The following CDC20B variants were observed in gnomAD, a reference collection of about 807,000 sequenced individuals.
CDC20B encodes cell division cycle 20B, also known as cell division cycle protein 20 homolog B.
A neutral mutation model predicts 64.1 loss-of-function variants in CDC20B; 58 were observed. That is an observed-to-expected ratio of 0.90 (90% confidence interval 0.73 to 1.13). The LOEUF is 1.13. Ranked by LOEUF, CDC20B falls within the 50% of genes most tolerant of loss-of-function variation. CDC20B has a pLI of 0.00. For synonymous variants in CDC20B, 243 were observed against 230.6 expected (o/e 1.05, Z -0.49); for missense variants, 597 against 633.0 (o/e 0.94, Z 0.61).
chr5:55,135,946 A>C (rs1462249909), intron 5 of CDC20B: 1 of 151,686 alleles, frequency 6.6e-6, no homozygotes, highest in Non-Finnish European at 1.5e-5. Flanking sequence ...TTTCCAAAAA[A>C]AATATTTTTT....
intron 5 of CDC20B, chr5:55,136,490 T>G (rs1580347212): frequency 6.9e-6 from 1 of 144,612 alleles, no homozygotes; most frequent in African/African-American, 2.6e-5. Context: ...ACCCGGGAGG[T>G]GGAGGTTGCC....
intron 5 of CDC20B, among the ~76,000 whole-genome samples, chr5:55,137,972 G>A (rs1743227142): frequency 6.6e-6 from 1 of 152,006 alleles, no homozygotes; most frequent in African/African-American, 2.4e-5. Context: ...TGAGAGGTGG[G>A]TTAGTTAAAA....
At chr5:55,139,456 T>C (rs1415851699) in intron 5 of CDC20B, among the ~76,000 whole-genome samples, 3 of 151,720 alleles carry the variant, frequency 2.0e-5, no homozygotes, top group African/African-American at 7.3e-5. Flanking sequence ...GAAACTGGAG[T>C]GAGTGAGTGC....
chr5:55,156,000 A>G (rs1743798527), intron 2 of CDC20B, among the ~76,000 whole-genome samples: 1 of 152,220 alleles, frequency 6.6e-6, no homozygotes, highest in Non-Finnish European at 1.5e-5. Context: ...TAATAAAGAC[A>G]TACCTGAGGC....
At chr5:55,158,782 T>C (rs1259287794) in intron 2 of CDC20B, among the ~76,000 whole-genome samples, 1 of 152,020 alleles carries the variant, frequency 6.6e-6, no homozygotes, top group East Asian at 1.9e-4. Flanking sequence ...CTCAATTGCC[T>C]CCCCATACCT....
At chr5:55,162,374 G>A (rs1319482844) in intron 2 of CDC20B, among the ~76,000 whole-genome samples, 5 of 152,180 alleles carry the variant, frequency 3.3e-5, no homozygotes, top group Admixed American at 6.5e-5. Flanking sequence ...CAGCCTGGGC[G>A]ACAGAGCAAG....
Position 55,146,673 on chromosome 5 carries a change from C to G in CDC20B, c.310G>C (p.Gly104Arg). 6.2e-7 allele frequency: 1 copy of G among 1,614,084 alleles called. No individual in the cohort carries two copies. The highest frequency in any genetic ancestry group is 8.5e-7 in the Non-Finnish European group (1 of 1,180,018). ...TCAGGCGGTGTCTTCAGCACTGATCCGGAAGCTTCTGGGAGGTAGGTGGTT... is the reference window on the plus strand; with the variant it reads ...TCAGGCGGTGTCTTCAGCACTGATCGGGAAGCTTCTGGGAGGTAGGTGGTT... ...QSTTYLPEAS[G>R]SVLKTPPEKE... Residue 104 changes from glycine to arginine, a missense_variant, in exon 3 of 12, where the codon GGA (glycine) becomes CGA (arginine). Coordinates refer to ENST00000381375, the MANE Select transcript of CDC20B (RefSeq NM_001170402.1).
rs148803238 is a variant in CDC20B, at chr5:55,150,382, G to T, written c.127-3526C>A. Among the ~76,000 whole-genome samples the T allele has an allele frequency of 1.8e-3, 278 of 152,318 alleles. 2 individuals carry two copies. The Middle Eastern group carries it at 0.02, about 11-fold the overall frequency. On this transcript the variant is annotated intron_variant, in intron 2 of 11. Coordinates refer to ENST00000381375, the MANE Select transcript of CDC20B (RefSeq NM_001170402.1). ...TGTTGAAGCAGTAAGCATTGGTTCA[G>T]TTTGGGTTTTTTACTAAGCGTGTGT...
intron 2 of CDC20B, among the ~76,000 whole-genome samples, chr5:55,150,603 G>C (rs548677111): frequency 1.3e-5 from 2 of 152,324 alleles, no homozygotes; most frequent in East Asian, 3.9e-4. Flanking sequence ...CTTGGTTTTT[G>C]AGTAGGAATG....
chr5:55,116,960 C>T (rs1371836172), intron 11 of CDC20B, among the ~76,000 whole-genome samples: 1 of 152,128 alleles, frequency 6.6e-6, no homozygotes, highest in Non-Finnish European at 1.5e-5. Flanking sequence ...TGGGAAATGT[C>T]GTCTTTATCT....
At chr5:55,129,999 A>T (rs1742988612) in intron 6 of CDC20B, among the ~76,000 whole-genome samples, 1 of 152,252 alleles carries the variant, frequency 6.6e-6, no homozygotes, top group Non-Finnish European at 1.5e-5. Flanking sequence ...AAGGTGACCT[A>T]GGTATAGAAA....
intron 2 of CDC20B, among the ~76,000 whole-genome samples, chr5:55,167,246 A>G (rs1580380038): frequency 1.3e-5 from 2 of 152,388 alleles, no homozygotes; most frequent in Admixed American, 1.3e-4. Context: ...ATCTTACAGC[A>G]GACATAACAA....
In CDC20B at chr5:55,119,940, G is replaced by C. The variant is rs182817661; in HGVS notation, c.1342-22C>G. 67 of 1,533,888 alleles carry C rather than the reference G, an allele frequency of 4.4e-5. No homozygotes were observed. The East Asian group carries it at 1.4e-3, about 31-fold the overall frequency. On this transcript the variant is annotated intron_variant, in intron 10 of 11. Coordinates refer to ENST00000381375, the MANE Select transcript of CDC20B (RefSeq NM_001170402.1). ...AAATCTGTAATAATGATCAAAAATA[G>C]AGAATTCTTGCAATTTCTGATTCCT...
chr5:55,124,717 T>G (rs1331843339), intron 9 of CDC20B, 86 bp downstream of exon 9: 4 of 1,117,348 alleles, frequency 3.6e-6, no homozygotes, highest in Non-Finnish European at 5.1e-6. Flanking sequence ...CTCAAAATAT[T>G]GGCTTAATGA....
rs959943559 is a variant in CDC20B, at chr5:55,160,740, A to G, written c.126+11848T>C. On this transcript the variant is annotated intron_variant, in intron 2 of 11. Transcript: ENST00000381375. Reference sequence around the variant, plus strand: ...CTTTAAAAAGAACTTATCAAGGATCATAGTTTTATCTTTAATTTAAAAATA... The same window carrying G: ...CTTTAAAAAGAACTTATCAAGGATCGTAGTTTTATCTTTAATTTAAAAATA... The G allele has an allele frequency of 2.3e-5, 11 of 479,254 alleles. No individual in the cohort carries two copies. The Admixed American group carries it at 2.3e-4, about 10-fold the overall frequency. The allele number at this position is 479,254 out of a possible 1,614,324, so 29.7% of individuals were successfully genotyped here.
chr5:55,160,474 T>TG, intron 2 of CDC20B: 2 of 1,129,880 alleles, frequency 1.8e-6, no homozygotes, highest in Non-Finnish European at 2.6e-6. Context: ...ATCAATTTTT[T>TG]GCTGTTACAT....
intron 2 of CDC20B, among the ~76,000 whole-genome samples, chr5:55,148,676 C>G (rs549630071): frequency 6.6e-6 from 1 of 151,638 alleles, no homozygotes; most frequent in Admixed American, 6.6e-5. Context: ...CCAGCCTGGG[C>G]GACAAAGTGA....
chr5:55,149,362 A>C (rs1743594811), intron 2 of CDC20B, among the ~76,000 whole-genome samples: 1 of 152,232 alleles, frequency 6.6e-6, no homozygotes, highest in Non-Finnish European at 1.5e-5. Flanking sequence ...AAGCAAGTCC[A>C]CTCATAGGTA....
At chr5:55,148,181 C>T (rs1743552490) in intron 2 of CDC20B, among the ~76,000 whole-genome samples, 6 of 152,082 alleles carry the variant, frequency 3.9e-5, no homozygotes, top group Admixed American at 3.9e-4. Flanking sequence ...TATAAATGCC[C>T]AAAAGATATT....
Sources: allele counts gnomAD v4.1 joint callset (sites outside exome capture counted in the v4.1 genomes callset), GRCh38; gene constraint gnomAD v4.1.1; transcripts MANE v1.5; gene names NCBI Gene and HGNC (gene_info 2026-07-23, HGNC 2026-07-21).